The following BCLAF3 variants were observed in gnomAD, a reference collection of about 807,000 sequenced individuals.
The protein encoded by BCLAF3 is BCLAF1 and THRAP3 family member 3, also known as transient octamer binding factor 1.
A neutral mutation model predicts 51.2 loss-of-function variants in BCLAF3; 24 were observed. That is an observed-to-expected ratio of 0.47 (90% CI 0.34 to 0.66). The LOEUF (loss-of-function observed/expected upper bound fraction) is 0.66, where lower values mean the gene tolerates loss of function less well. Among genes scored for constraint, BCLAF3 ranks in the 30% least tolerant of loss-of-function variants. BCLAF3 has a pLI of 0.01. For missense variants in BCLAF3, 465 were observed against 525.1 expected (o/e 0.89, Z 1.12); for synonymous variants, 152 against 176.6 (o/e 0.86, Z 1.10).
In BCLAF3 at chrX:19,916,182, C is replaced by T. The variant is rs2069934155; in HGVS notation, c.*1123G>A. 1 of 112,654 alleles carries T rather than the reference C, an allele frequency of 8.9e-6. No homozygotes were observed. The highest frequency in any genetic ancestry group is 3.2e-5 in the African/African-American group (1 of 30,945). The allele number at this position is 112,654 out of a possible 1,213,427, so 9.3% of individuals were successfully genotyped here. On this transcript the variant is annotated 3_prime_UTR_variant, in exon 12 of 12. Transcript: ENST00000379682. ...AACAGTGCTTTAAACACTGTTTAAACAGAGGTGCTATCCAAGGCTATAAGT... is the reference window on the plus strand; with the variant it reads ...AACAGTGCTTTAAACACTGTTTAAATAGAGGTGCTATCCAAGGCTATAAGT...
intron 8 of BCLAF3, among the ~76,000 whole-genome samples, chrX:19,950,227 C>T (rs1339966565): frequency 8.9e-6 from 1 of 111,803 alleles, no homozygotes; most frequent in Admixed American, 9.5e-5. Context: ...TAGGTCTCCT[C>T]TGCATTTTCT....
chrX:19,973,247 T>C (rs947616777), intron 1 of BCLAF3, among the ~76,000 whole-genome samples: 1 of 112,009 alleles, frequency 8.9e-6, no homozygotes, highest in South Asian at 3.7e-4. Flanking sequence ...GAAACATACA[T>C]GTTTCTTACA....
Position 19,922,468 on chromosome X carries a change from CTTTT to C in BCLAF3, c.2107-5138_2107-5135del, listed in dbSNP as rs1363397388. On this transcript the variant is annotated intron_variant, in intron 11 of 11. Transcript: ENST00000379682. Reference sequence around the variant, plus strand: ...AAAAAATGCATTTGCAGTAAGACTTCTTTTGTTTCATCAATACTTCAACTGTAAT... The same window carrying C: ...AAAAAATGCATTTGCAGTAAGACTTCGTTTCATCAATACTTCAACTGTAAT... Among the ~76,000 whole-genome samples the C allele has an allele frequency of 2.7e-5, 3 of 112,402 alleles. No homozygotes were observed. In the East Asian group the frequency reaches 8.3e-4, roughly 31 times the overall value.
intron 1 of BCLAF3, among the ~76,000 whole-genome samples, chrX:19,972,830 A>G (rs770091401): frequency 2.7e-5 from 3 of 112,226 alleles, no homozygotes; most frequent in Non-Finnish European, 3.8e-5. Context: ...TGGTAGAATA[A>G]TAGACATTTC....
chrX:19,946,813 G>A (rs4825326), intron 8 of BCLAF3, among the ~76,000 whole-genome samples: 37,032 of 110,278 alleles, frequency 0.34, 7,342 homozygotes, highest in African/African-American at 0.75. Context: ...TATCCCCTCA[G>A]ATAACCCTAT....
In BCLAF3 at chrX:19,955,566, C is replaced by A; in HGVS notation, c.1275G>T (p.Arg425Ser). Reference sequence around the variant, plus strand: ...TCTCTGTGGAATAGCTAGAAGCAACCCTAGAATAATTTGCAAATGTTTAAC... The same window carrying A: ...TCTCTGTGGAATAGCTAGAAGCAACACTAGAATAATTTGCAAATGTTTAAC... ...VDVKKTVDTF[R>S]VASSYSTERQ... Residue 425 changes from arginine (R) to serine (S), a missense_variant and splice_region_variant, in exon 5 of 12, where the codon AGG becomes AGT. By Grantham distance (110) the Arg-to-Ser change is moderately radical (BLOSUM62 -1). Transcript: ENST00000379682. The A allele has an allele frequency of 8.6e-7, 1 of 1,164,032 alleles. No individual in the cohort carries two copies. Among genetic ancestry groups the A allele is most frequent in the Non-Finnish European group, 1.1e-6 (1 of 876,896 alleles).
chrX:19,951,494 G>A (rs1389870886), intron 7 of BCLAF3, among the ~76,000 whole-genome samples: 1 of 105,250 alleles, frequency 9.5e-6, no homozygotes, highest in African/African-American at 3.6e-5. Flanking sequence ...TACTTGGGAG[G>A]CTGAGGCAGG....
intron 7 of BCLAF3, among the ~76,000 whole-genome samples, chrX:19,952,589 T>C (rs2071525304): frequency 9.0e-6 from 1 of 111,669 alleles, no homozygotes; most frequent in Admixed American, 9.5e-5. Context: ...CAATATCAAA[T>C]GAAATTTTTC....
At chrX:19,975,395 G>A in intron 1 of BCLAF3, among the ~76,000 whole-genome samples, 1 of 106,436 alleles carries the variant, frequency 9.4e-6, no homozygotes, top group Non-Finnish European at 1.9e-5. Flanking sequence ...CCAGGGTGGA[G>A]TGCAGTGCTG....
intron 1 of BCLAF3, among the ~76,000 whole-genome samples, chrX:19,984,176 T>C (rs1038513433): frequency 8.2e-5 from 9 of 109,913 alleles, no homozygotes; most frequent in Non-Finnish European, 1.5e-4. Context: ...AAAAGACACT[T>C]TTTAATCCCA....
At chrX:19,972,965 CAT>C (rs1259671989) in intron 1 of BCLAF3, among the ~76,000 whole-genome samples, 1 of 112,070 alleles carries the variant, frequency 8.9e-6, no homozygotes, top group Admixed American at 9.5e-5. Context: ...TTTATGTGGA[CAT>C]ATGTTTTCAT....
intron 1 of BCLAF3, among the ~76,000 whole-genome samples, chrX:19,982,647 G>C (rs1248504248): frequency 1.8e-5 from 2 of 110,097 alleles, no homozygotes; most frequent in Non-Finnish European, 3.8e-5. Flanking sequence ...TTTAAAAGGT[G>C]TAAGTACAAA....
chrX:19,947,360 A>G (rs2071346477), intron 8 of BCLAF3, among the ~76,000 whole-genome samples: 1 of 112,307 alleles, frequency 8.9e-6, no homozygotes, highest in Non-Finnish European at 1.9e-5. Context: ...CTCTATAACA[A>G]AACAACTCAT....
At chrX:19,917,471 T>C in intron 11 of BCLAF3, 137 bp from the exon 12 acceptor site, 2 of 518,153 alleles carry the variant, frequency 3.9e-6, no homozygotes, top group Non-Finnish European at 3.3e-6. Context: ...CACGAAGGCA[T>C]GTGGAACCCC....
chrX:19,958,217 G>A (rs182287711), intron 4 of BCLAF3, among the ~76,000 whole-genome samples: 113 of 111,788 alleles, frequency 1.0e-3, no homozygotes, highest in African/African-American at 3.3e-3. Flanking sequence ...CTCCCTGAGC[G>A]TTGTGGGTAA....
chrX:19,924,380 G>C (rs1269604254), intron 11 of BCLAF3, among the ~76,000 whole-genome samples: 4 of 111,578 alleles, frequency 3.6e-5, no homozygotes, highest in African/African-American at 1.3e-4. Context: ...CAGAGAGGTA[G>C]GTAGTGAAAC....
chrX:19,973,746 G>A (rs1453297395), intron 1 of BCLAF3, among the ~76,000 whole-genome samples: 4 of 111,843 alleles, frequency 3.6e-5, no homozygotes, highest in South Asian at 3.7e-4. Context: ...TCAACACATC[G>A]TATTTATTTA....
intron 4 of BCLAF3, among the ~76,000 whole-genome samples, chrX:19,963,932 G>A (rs2071951479): frequency 1.8e-5 from 2 of 111,605 alleles, no homozygotes; most frequent in Non-Finnish European, 3.8e-5. Context: ...GGAGAGGCAG[G>A]AGGATCATCT....
chrX:19,988,421 T>C (rs1034825253), intron 1 of BCLAF3, among the ~76,000 whole-genome samples: 3 of 111,643 alleles, frequency 2.7e-5, no homozygotes, highest in Non-Finnish European at 3.8e-5. Context: ...TTAAGGTATT[T>C]ACTTTAAAAA....
Sources: allele counts gnomAD v4.1 joint callset (sites outside exome capture counted in the v4.1 genomes callset), GRCh38; gene constraint gnomAD v4.1.1; transcripts MANE v1.5; gene names NCBI Gene and HGNC (gene_info 2026-07-23, HGNC 2026-07-21).